The following WSCD2 variants were observed in gnomAD, a reference collection of about 807,000 sequenced individuals.
The protein encoded by WSCD2 is sialate:O-sulfotransferase 2.
In WSCD2, 28 loss-of-function variants were observed where a neutral mutation model predicts 55.7. That is an observed-to-expected ratio of 0.50 (90% CI 0.37 to 0.69). The LOEUF is 0.69. WSCD2 is among the 30% of genes least tolerant of loss of function. The pLI, the probability that WSCD2 is intolerant of heterozygous loss-of-function variation, is 0.00. For synonymous variants in WSCD2, 301 were observed against 301.9 expected (o/e 1.00, Z 0.03); for missense variants, 616 against 762.1 (o/e 0.81, Z 2.26).
At chr12:108,239,200 T>C (rs961406942) in intron 7 of WSCD2, among the ~76,000 whole-genome samples, 8 of 152,248 alleles carry the variant, frequency 5.3e-5, no homozygotes, top group African/African-American at 1.4e-4. Flanking sequence ...CAGTCACTCA[T>C]ATGTGACAGA....
At chr12:108,231,249 T>C (rs775036123) in intron 6 of WSCD2, among the ~76,000 whole-genome samples, 2 of 152,182 alleles carry the variant, frequency 1.3e-5, no homozygotes, top group Non-Finnish European at 2.9e-5. Context: ...AAGGCAGCAC[T>C]GAGACCTGGG....
At chr12:108,219,569 A>G (rs1000958529) in intron 4 of WSCD2, among the ~76,000 whole-genome samples, 2 of 152,138 alleles carry the variant, frequency 1.3e-5, no homozygotes, top group African/African-American at 2.4e-5. Flanking sequence ...TCCTGCCCCC[A>G]TTAATGCACA....
chr12:108,214,878 T>C (rs1886646505), intron 4 of WSCD2, among the ~76,000 whole-genome samples: 1 of 152,218 alleles, frequency 6.6e-6, no homozygotes, highest in Admixed American at 6.5e-5. Flanking sequence ...TTGTGTACTG[T>C]TGTTAATTCC....
At chr12:108,213,076 T>G (rs1886417836) in intron 4 of WSCD2, among the ~76,000 whole-genome samples, 1 of 151,830 alleles carries the variant, frequency 6.6e-6, no homozygotes. Context: ...ACAAAGAGAG[T>G]GCAGGGACCA....
At chr12:108,204,156 CAGTAA>C (rs1885040636) in intron 2 of WSCD2, among the ~76,000 whole-genome samples, 1 of 152,122 alleles carries the variant, frequency 6.6e-6, no homozygotes, top group African/African-American at 2.4e-5. Context: ...ACATGGCCCA[CAGTAA>C]AGTAGATAGC....
chr12:108,207,568 T>C (rs1484193327), intron 3 of WSCD2, among the ~76,000 whole-genome samples: 1 of 145,152 alleles, frequency 6.9e-6, no homozygotes, highest in Non-Finnish European at 1.5e-5. Flanking sequence ...TTGGTATTTT[T>C]AGTAGAGAAA....
chr12:108,207,820 A>G (rs1211537116), intron 3 of WSCD2, among the ~76,000 whole-genome samples: 1 of 151,532 alleles, frequency 6.6e-6, no homozygotes, highest in Non-Finnish European at 1.5e-5. Context: ...GAAATCACTA[A>G]CTTATCTGTC....
chr12:108,206,102 C>T (rs1016629021), intron 2 of WSCD2, among the ~76,000 whole-genome samples, 187 bp from the exon 3 acceptor site: 5 of 152,160 alleles, frequency 3.3e-5, no homozygotes, highest in African/African-American at 1.2e-4. Flanking sequence ...TATTGGTCTC[C>T]GCTGCCCTGA....
chr12:108,204,390 C>G (rs1238205755), intron 2 of WSCD2, among the ~76,000 whole-genome samples: 1 of 152,092 alleles, frequency 6.6e-6, no homozygotes, highest in African/African-American at 2.4e-5. Flanking sequence ...CTCTTTCTCC[C>G]TCCAGCTCCC....
chr12:108,152,831 G>A (rs1246476033), intron 1 of WSCD2, among the ~76,000 whole-genome samples: 1 of 152,212 alleles, frequency 6.6e-6, no homozygotes, highest in Non-Finnish European at 1.5e-5. Flanking sequence ...GGGCATGATG[G>A]CTCATGCCTG....
intron 1 of WSCD2, among the ~76,000 whole-genome samples, chr12:108,177,538 T>A (rs1029744449): frequency 6.6e-6 from 1 of 152,352 alleles, no homozygotes. Context: ...AAGATAATTA[T>A]AGTGCCTGTC....
rs182957037 is a variant in WSCD2, at chr12:108,195,791, C to T, written c.-42C>T. On this transcript the variant is annotated 5_prime_UTR_variant, in exon 2 of 9. Transcript: ENST00000547525. ...AGCCCCTTCCATCCTCTCCCAAGCA[C>T]CCCAGCCAAGCCCCAGAGAGCCAGT... 6.4e-7 allele frequency: 1 copy of T among 1,561,224 alleles called. No homozygotes were observed. The highest frequency in any genetic ancestry group is 2.3e-5 in the East Asian group (1 of 44,380).
At chr12:108,155,169 T>C (rs1168795074) in intron 1 of WSCD2, among the ~76,000 whole-genome samples, 1 of 152,172 alleles carries the variant, frequency 6.6e-6, no homozygotes, top group Non-Finnish European at 1.5e-5. Flanking sequence ...AGCTTAGATA[T>C]GATAAGGTTT....
intron 1 of WSCD2, among the ~76,000 whole-genome samples, chr12:108,164,138 C>CTTTTTTTTTTGTTTTTTT: frequency 1.4e-5 from 1 of 71,706 alleles, no homozygotes; most frequent in African/African-American, 4.9e-5. Context: ...AATCTTAAAT[C>CTTTTTTTTTTGTTTTTTT]CTTTTTTTTT....
intron 1 of WSCD2, chr12:108,149,826 G>C (rs1200800333): frequency 6.6e-6 from 1 of 152,110 alleles, no homozygotes; most frequent in South Asian, 2.1e-4. Context: ...AAACCCTTAG[G>C]TTCCGCCTCC....
chr12:108,146,519 A>G (rs1455112503), intron 1 of WSCD2, among the ~76,000 whole-genome samples: 1 of 152,238 alleles, frequency 6.6e-6, no homozygotes, highest in Non-Finnish European at 1.5e-5. Flanking sequence ...AATACGAAAG[A>G]AAAAGAAAAC....
intron 1 of WSCD2, among the ~76,000 whole-genome samples, chr12:108,148,455 TGGC>T (rs576383380): frequency 7.8e-4 from 119 of 152,252 alleles, no homozygotes; most frequent in African/African-American, 2.8e-3. Context: ...GCTGGGACAA[TGGC>T]GGTGGGTAGT....
chr12:108,202,393 G>A (rs1884810360), intron 2 of WSCD2, among the ~76,000 whole-genome samples: 1 of 152,180 alleles, frequency 6.6e-6, no homozygotes, highest in South Asian at 2.1e-4. Flanking sequence ...TGACAGATAA[G>A]GAAACAGAGG....
At chr12:108,246,662 G>A (rs988651533) in intron 8 of WSCD2, among the ~76,000 whole-genome samples, 1 of 152,166 alleles carries the variant, frequency 6.6e-6, no homozygotes, top group African/African-American at 2.4e-5. Flanking sequence ...CTCCAAGTTT[G>A]CATGACAATC....
Sources: gnomAD v4.1 joint callset for allele counts (sites outside exome capture counted in the v4.1 genomes callset) on GRCh38, gnomAD v4.1.1 for gene constraint, MANE v1.5 for transcripts, NCBI Gene and HGNC (gene_info 2026-07-23, HGNC 2026-07-21) for gene names.